The following LRRIQ1 variants were observed in gnomAD, a reference collection of about 807,000 sequenced individuals.
LRRIQ1 encodes the protein leucine rich repeats and IQ motif containing 1, also known as leucine-rich repeat- and IQ domain-containing protein 1.
LRRIQ1 carries 210 observed loss-of-function variants against 211.9 expected under a neutral mutation model. The ratio of observed to expected loss-of-function variants is 0.99; its 90% CI spans 0.89 to 1.11. The LOEUF (loss-of-function observed/expected upper bound fraction) is 1.11, where lower values mean the gene tolerates loss of function less well. LRRIQ1 is among the 50% of genes most tolerant of loss of function. The pLI, the probability that LRRIQ1 is intolerant of heterozygous loss-of-function variation, is 0.00. For missense variants in LRRIQ1, 2,136 were observed against 1,939.5 expected (o/e 1.10, Z -1.90); for synonymous variants, 699 against 650.1 (o/e 1.08, Z -1.14).
At chr12:85,222,355 G>A (rs1486117786) in intron 24 of LRRIQ1, among the ~76,000 whole-genome samples, 1 of 152,088 alleles carries the variant, frequency 6.6e-6, no homozygotes. Context: ...GATGGCAAGG[G>A]AAGAGGGGCC....
chr12:85,241,517 A>T (rs1385563737), intron 26 of LRRIQ1, among the ~76,000 whole-genome samples: 1 of 151,996 alleles, frequency 6.6e-6, no homozygotes, highest in Non-Finnish European at 1.5e-5. Flanking sequence ...TAATTTTGCC[A>T]TAATTTGCAA....
In LRRIQ1 at chr12:85,121,802, A is replaced by G; in HGVS notation, c.3483A>G (p.Ala1161=). The change falls in exon 16 of 27, where the codon GCA becomes GCG. Residue 1161 remains alanine, a synonymous_variant. Transcript: ENST00000393217. ...AAGAACACAATCAACTGGGATCAGCAGGTTTCCTGGCACTTTGTCAGTCTC... is the reference window on the plus strand; with the variant it reads ...AAGAACACAATCAACTGGGATCAGCGGGTTTCCTGGCACTTTGTCAGTCTC... ...RTEEHNQLGS[A]GFLALCQSQI... 2 of 1,607,880 alleles carry G rather than the reference A, an allele frequency of 1.2e-6. No homozygotes were observed. The highest frequency in any genetic ancestry group is 8.5e-7 in the Non-Finnish European group (1 of 1,177,052).
intron 24 of LRRIQ1, among the ~76,000 whole-genome samples, chr12:85,169,037 A>G (rs1374465283): frequency 6.6e-6 from 1 of 152,186 alleles, no homozygotes; most frequent in Non-Finnish European, 1.5e-5. Flanking sequence ...ACCATATAAT[A>G]TAATAGCCTC....
intron 8 of LRRIQ1, among the ~76,000 whole-genome samples, chr12:85,061,084 G>C (rs1592718858): frequency 6.6e-6 from 1 of 151,824 alleles, no homozygotes; most frequent in Non-Finnish European, 1.5e-5. Flanking sequence ...AGGAAGTAAA[G>C]TATGAGAGCT....
Position 85,135,058 on chromosome 12 carries a change from T to A in LRRIQ1, c.4210-2792T>A, listed in dbSNP as rs1408222994. On this transcript the variant is annotated intron_variant, in intron 18 of 26. Transcript: ENST00000393217. ...TCAGTATTACAAATTCCTGTAGCAT[T>A]TAATACGTCTTTGCAGATTTTTCTT... Among the ~76,000 whole-genome samples, 21 of 152,048 alleles carry A rather than the reference T, an allele frequency of 1.4e-4. 1 individual carries two copies. Among genetic ancestry groups the A allele is most frequent in the Admixed American group, 1.4e-3 (21 of 15,216 alleles).
At chr12:85,125,332 G>T (rs982747478) in intron 17 of LRRIQ1, among the ~76,000 whole-genome samples, 1 of 151,928 alleles carries the variant, frequency 6.6e-6, no homozygotes, top group Non-Finnish European at 1.5e-5. Flanking sequence ...TATAAGGTAG[G>T]GCAATATTCT....
At chr12:85,144,828 G>T (rs117790371) in intron 19 of LRRIQ1, among the ~76,000 whole-genome samples, 1 of 151,452 alleles carries the variant, frequency 6.6e-6, no homozygotes, top group African/African-American at 2.4e-5. Context: ...TTTGCAATGC[G>T]GAGATTACTT....
chr12:85,145,094 A>T (rs921137588), intron 19 of LRRIQ1, among the ~76,000 whole-genome samples: 1 of 151,590 alleles, frequency 6.6e-6, no homozygotes, highest in African/African-American at 2.4e-5. Context: ...ATCCTTATGT[A>T]ATTATATAAA....
chr12:85,247,219 T>C (rs1032473850), downstream of LRRIQ1, among the ~76,000 whole-genome samples: 1 of 151,634 alleles, frequency 6.6e-6, no homozygotes, highest in African/African-American at 2.4e-5. Flanking sequence ...TCAAAGTCCT[T>C]GGGCCCTAGG....
rs1406270367 is a variant in LRRIQ1, at chr12:85,061,239, A to G, written c.2392-4023A>G. Among the ~76,000 whole-genome samples the G allele has an allele frequency of 2.6e-5, 4 of 151,722 alleles. No homozygotes were observed. In the South Asian group the frequency reaches 8.3e-4, roughly 31 times the overall value. Reference sequence around the variant, plus strand: ...ATGAACACATACGATTACTAATTCTATATTGACCTTAATTTCGAAGCATAA... The same window carrying G: ...ATGAACACATACGATTACTAATTCTGTATTGACCTTAATTTCGAAGCATAA... On this transcript the variant is annotated intron_variant, in intron 8 of 26. Transcript: ENST00000393217.
intron 24 of LRRIQ1, among the ~76,000 whole-genome samples, chr12:85,193,062 A>G (rs1225203101): frequency 9.9e-6 from 1 of 100,788 alleles, no homozygotes; most frequent in Non-Finnish European, 1.8e-5. Context: ...TAATATAAAT[A>G]TTATATTATA....
Position 85,056,682 on chromosome 12 carries a change from T to C in LRRIQ1, c.1889T>C (p.Leu630Ser). Residue 630 changes from leucine to serine, a missense_variant, in exon 8 of 27, where the codon TTA becomes TCA. Coordinates refer to ENST00000393217, the MANE Select transcript of LRRIQ1 (RefSeq NM_001079910.2). Reference sequence around the variant, plus strand: ...AAAGATGTAAGAGAAAACGTAATATTACAAGAAAAAGAAATTTATTCAAAA... The same window carrying C: ...AAAGATGTAAGAGAAAACGTAATATCACAAGAAAAAGAAATTTATTCAAAA... ...NSKDVRENVI[L>S]QEKEIYSKSK... is the part of the protein sequence containing the mutation. 1 of 1,605,660 alleles carries C rather than the reference T, an allele frequency of 6.2e-7. No homozygotes were observed. The highest frequency in any genetic ancestry group is 1.1e-5 in the South Asian group (1 of 88,992).
intron 10 of LRRIQ1, among the ~76,000 whole-genome samples, chr12:85,069,093 C>A (rs1453896985): frequency 7.0e-6 from 1 of 143,436 alleles, no homozygotes; most frequent in Non-Finnish European, 1.5e-5. Context: ...CTCCCCCCTC[C>A]CCCCACCTCA....
chr12:85,051,837 T>G (rs559303273), intron 6 of LRRIQ1, among the ~76,000 whole-genome samples: 1 of 152,268 alleles, frequency 6.6e-6, no homozygotes, highest in Admixed American at 6.5e-5. Context: ...GAGAAAACAA[T>G]TGTAACACAA....
At chr12:85,067,020 T>C in intron 10 of LRRIQ1, 122 bp downstream of exon 10, 1 of 502,236 alleles carries the variant, frequency 2.0e-6, no homozygotes, top group Non-Finnish European at 3.2e-6. Flanking sequence ...TGTTATACTT[T>C]TAAAATTTAG....
At chr12:85,270,239 A>G in the LRRIQ1 span, among the ~76,000 whole-genome samples, 1 of 152,136 alleles carries the variant, frequency 6.6e-6, no homozygotes, top group Non-Finnish European at 1.5e-5. Context: ...TAGTCTTACA[A>G]TTGGAATATT....
intron 24 of LRRIQ1, among the ~76,000 whole-genome samples, chr12:85,174,448 C>T (rs1462430268): frequency 6.6e-6 from 1 of 151,584 alleles, no homozygotes; most frequent in African/African-American, 2.4e-5. Context: ...GTAATCCCAG[C>T]ACTTTGGGAG....
intron 24 of LRRIQ1, among the ~76,000 whole-genome samples, chr12:85,198,145 T>C (rs1893089817): frequency 8.0e-6 from 1 of 124,394 alleles, no homozygotes; most frequent in South Asian, 2.2e-4. Context: ...TATAATATAT[T>C]ATATTATGTA....
At chr12:85,087,498 A>G (rs1234632628) in intron 11 of LRRIQ1, among the ~76,000 whole-genome samples, 3 of 152,220 alleles carry the variant, frequency 2.0e-5, no homozygotes, top group African/African-American at 7.2e-5. Flanking sequence ...TTCTAGTTCT[A>G]AATCCTTGAG....
Sources: allele counts gnomAD v4.1 joint callset (sites outside exome capture counted in the v4.1 genomes callset), GRCh38; gene constraint gnomAD v4.1.1; transcripts MANE v1.5; gene names NCBI Gene and HGNC (gene_info 2026-07-23, HGNC 2026-07-21).